The following CPNE7 variants were observed in gnomAD, a reference collection of about 807,000 sequenced individuals.
CPNE7 encodes copine-7.
CPNE7 carries 78 observed loss-of-function variants against 66.5 expected under a neutral mutation model. The observed-to-expected ratio is 1.17, with a 90% CI of 0.98 to 1.42. The LOEUF is 1.42. Among genes scored for constraint, CPNE7 ranks in the 40% most tolerant of loss-of-function variants. CPNE7 has a pLI of 0.00. For synonymous variants in CPNE7, 468 were observed against 336.7 expected (o/e 1.39, Z -4.27); for missense variants, 1,012 against 776.6 (o/e 1.30, Z -3.60).
chr16:89,591,299 G>A lies in CPNE7; in HGVS notation c.1302+39G>A. The stretch of plus-strand genomic sequence containing the variant: ...GGGTGTGGTGCATGCTTGGTGTGGG[G>A]TCGGCTGTGTGTGCACCAGCGCGTG... On this transcript the variant is annotated intron_variant, in intron 13 of 14. Coordinates refer to ENST00000319518, the MANE Select transcript of CPNE7 (RefSeq NM_153636.3). 3 of 1,521,014 alleles carry A rather than the reference G, an allele frequency of 2.0e-6. No individual in the cohort carries two copies. The South Asian group carries it at 3.8e-5, about 19-fold the overall frequency. The allele number at this position is 1,521,014 out of a possible 1,614,324, so 94.2% of individuals were successfully genotyped here.
Position 89,596,749 on chromosome 16 carries a change from C to T in CPNE7, c.*128C>T, listed in dbSNP as rs530615837. ...CCTCCAGTCCCCACCAGGCCCCACTCCCAGTCCTCCTGGGATCCTGCTGGC... is the reference window on the plus strand; with the variant it reads ...CCTCCAGTCCCCACCAGGCCCCACTTCCAGTCCTCCTGGGATCCTGCTGGC... On this transcript the variant is annotated 3_prime_UTR_variant, in exon 15 of 15. Transcript: ENST00000319518. The T allele has an allele frequency of 1.7e-5, 20 of 1,170,402 alleles. No homozygotes were observed. Among genetic ancestry groups the T allele is most frequent in the East Asian group, 3.1e-5 (1 of 32,488 alleles). The allele number at this position is 1,170,402 out of a possible 1,614,324, so 72.5% of individuals were successfully genotyped here.
intron 13 of CPNE7, among the ~76,000 whole-genome samples, chr16:89,592,687 C>T (rs2059192270): frequency 1.3e-5 from 2 of 150,604 alleles, no homozygotes; most frequent in South Asian, 2.1e-4. Context: ...TGTGATCCAC[C>T]CGCCTCGGCC....
chr16:89,595,192 G>T (rs537631873), intron 13 of CPNE7, among the ~76,000 whole-genome samples, 175 bp from the exon 14 acceptor site: 7 of 152,296 alleles, frequency 4.6e-5, no homozygotes, highest in African/African-American at 1.2e-4. Context: ...CACGGAGGGG[G>T]CTCCTGACCC....
At chr16:89,590,844 C>T (rs1435493275) in intron 11 of CPNE7, among the ~76,000 whole-genome samples, 163 bp from the exon 12 acceptor site, 2 of 84,716 alleles carry the variant, frequency 2.4e-5, no homozygotes, top group African/African-American at 5.3e-5. Context: ...AGCAGCTGAC[C>T]GAGCCCTCTT....
In CPNE7 at chr16:89,591,120, C is replaced by T. The variant is rs757480056; in HGVS notation, c.1169-7C>T. On this transcript the variant is annotated splice_polypyrimidine_tract_variant and splice_region_variant and intron_variant, in intron 12 of 14. Coordinates refer to ENST00000319518, the MANE Select transcript of CPNE7 (RefSeq NM_153636.3). ...GGGGGGCCGGGCTCACCCCCTGCCCCCCACAGGCATCCAGGGCGTGGTGGA... is the reference window on the plus strand; with the variant it reads ...GGGGGGCCGGGCTCACCCCCTGCCCTCCACAGGCATCCAGGGCGTGGTGGA... 3.1e-6 allele frequency: 5 copies of T among 1,612,748 alleles called. No homozygotes were observed. The highest frequency in any genetic ancestry group is 1.7e-5 in the Admixed American group (1 of 59,914).
intron 2 of CPNE7, among the ~76,000 whole-genome samples, chr16:89,581,639 T>C (rs1303712206): frequency 6.6e-6 from 1 of 152,128 alleles, no homozygotes; most frequent in African/African-American, 2.4e-5. Flanking sequence ...CACAGAAATA[T>C]GGACATGCTT....
rs199749974 is a variant in CPNE7, at chr16:89,577,557, G to A, written c.193G>A (p.Val65Ile). ...QWVQVGRTEV[V>I]RSSLHPVFSK... ...CTTGCAGGTGGGCAGAACCGAGGTGGTCCGGAGCAGCCTGCATCCCGTGTT... is the reference window on the plus strand; with the variant it reads ...CTTGCAGGTGGGCAGAACCGAGGTGATCCGGAGCAGCCTGCATCCCGTGTT... The change falls in exon 2 of 15, where the codon GTC becomes ATC. Residue 65 changes from valine to isoleucine, a missense_variant. Val to Ile is a conservative substitution (Grantham distance 29). Transcript: ENST00000319518. 2 of 1,551,774 alleles carry A rather than the reference G, an allele frequency of 1.3e-6. No individual in the cohort carries two copies. The highest frequency in any genetic ancestry group is 2.4e-5 in the East Asian group (1 of 40,950).
chr16:89,588,851 G>A (rs2059127248), intron 10 of CPNE7, 43 bp downstream of exon 10: 2 of 1,606,060 alleles, frequency 1.2e-6, no homozygotes, highest in Non-Finnish European at 1.7e-6. Flanking sequence ...CTCCAGGTCA[G>A]CTATGACAGG....
At position 89,584,807 on chromosome 16, in the gene CPNE7, C is replaced by G; in HGVS notation, c.541C>G (p.Leu181Val). The change falls in exon 5 of 15, where the codon CTC (leucine) becomes GTC (valine). Residue 181 changes from leucine to valine, a missense_variant. Leu to Val is a conservative substitution (Grantham distance 32, BLOSUM62 1). Transcript: ENST00000319518. This position sits in a 1 kb window ranked among gnomAD's most constrained non-coding sequence, Gnocchi z 6.0. ...CAGCAAGTCCGACCCCTTCCTGGAG[C>G]TCTACAGGGTCAACGACGACCAGGG... Reference protein sequence around the residue: ...LFSKSDPFLELYRVNDDQGLQ... With the variant: ...LFSKSDPFLEVYRVNDDQGLQ... 1 of 1,613,694 alleles carries G rather than the reference C, an allele frequency of 6.2e-7. No individual in the cohort carries two copies. Among genetic ancestry groups the G allele is most frequent in the Non-Finnish European group, 8.5e-7 (1 of 1,179,944 alleles).
chr16:89,596,395 G>A, intron 14 of CPNE7, 89 bp from the exon 15 acceptor site: 1 of 1,505,106 alleles, frequency 6.6e-7, no homozygotes, highest in Non-Finnish European at 8.9e-7. Context: ...CGGCTCTGGA[G>A]GATGAGGCCT....
At chr16:89,578,884 G>A (rs745389352) in intron 2 of CPNE7, 10 of 1,612,992 alleles carry the variant, frequency 6.2e-6, no homozygotes, top group South Asian at 2.2e-5. Flanking sequence ...TCTGCAAGTC[G>A]TGATGAGAGT....
chr16:89,592,344 C>A (rs978419404), intron 13 of CPNE7, among the ~76,000 whole-genome samples: 1 of 151,426 alleles, frequency 6.6e-6, no homozygotes, highest in African/African-American at 2.4e-5. Flanking sequence ...CAAAAAGTTA[C>A]AAGAGCTCTG....
intron 2 of CPNE7, 95 bp from the exon 3 acceptor site, chr16:89,583,602 A>C: frequency 6.2e-7 from 1 of 1,606,800 alleles, no homozygotes; most frequent in Non-Finnish European, 8.5e-7. Context: ...GGGAGACAGG[A>C]CAGGCCTGAG....
intron 1 of CPNE7, among the ~76,000 whole-genome samples, chr16:89,576,778 G>GC (rs989099942): frequency 4.6e-5 from 7 of 152,208 alleles, no homozygotes; most frequent in African/African-American, 1.4e-4. Context: ...TCCAGCGCGG[G>GC]CCCGGGCGGC....
chr16:89,590,393 C>T (rs1361988756), intron 11 of CPNE7, among the ~76,000 whole-genome samples: 3 of 152,024 alleles, frequency 2.0e-5, no homozygotes, highest in African/African-American at 7.2e-5. Context: ...GGCGTGGTGG[C>T]ACATGCTTGT....
In CPNE7 at chr16:89,595,360, C is replaced by T. The variant is rs757728070; in HGVS notation, c.1303-7C>T. ...TGGTGTTGCTGATGCCTTTCCTGTG[C>T]CCCCAGCAATACTACATCCTGCTGA... is the stretch of plus-strand genomic sequence containing the variant. On this transcript the variant is annotated splice_region_variant and splice_polypyrimidine_tract_variant and intron_variant, in intron 13 of 14. Coordinates refer to ENST00000319518, the MANE Select transcript of CPNE7 (RefSeq NM_153636.3). 3 of 1,554,262 alleles carry T rather than the reference C, an allele frequency of 1.9e-6. No homozygotes were observed. The highest frequency in any genetic ancestry group is 2.6e-6 in the Non-Finnish European group (3 of 1,144,404).
At chr16:89,593,962 G>A (rs1429306886) in intron 13 of CPNE7, 2 of 152,160 alleles carry the variant, frequency 1.3e-5, no homozygotes, top group African/African-American at 4.8e-5. Flanking sequence ...CTCTTTTTAA[G>A]CAGCCACGAC....
At chr16:89,587,645 C>T (rs1356927826) in intron 9 of CPNE7, 4 of 447,364 alleles carry the variant, frequency 8.9e-6, no homozygotes, top group East Asian at 7.1e-5. Context: ...GGCACAGACC[C>T]CGTGTCACCC....
chr16:89,580,776 CAG>C (rs949798041), intron 2 of CPNE7, among the ~76,000 whole-genome samples: 2 of 144,408 alleles, frequency 1.4e-5, no homozygotes, highest in Non-Finnish European at 3.0e-5. Context: ...CCCGCTGACA[CAG>C]AACATCTCAC....
Sources: gnomAD v4.1 joint callset for allele counts (sites outside exome capture counted in the v4.1 genomes callset) on GRCh38, gnomAD v4.1.1 for gene constraint, Gnocchi (gnomAD v3.1) non-coding constraint, MANE v1.5 for transcripts, NCBI Gene and HGNC (gene_info 2026-07-23, HGNC 2026-07-21) for gene names.